KIFC1: variants seen among roughly 807,000 people sequenced by gnomAD.
The protein encoded by KIFC1 is kinesin family member C1.
KIFC1 carries 37 observed loss-of-function variants against 66.6 expected under a neutral mutation model. That is an observed-to-expected ratio of 0.56 (90% CI 0.43 to 0.73). KIFC1 has a LOEUF of 0.73. Among genes scored for constraint, KIFC1 ranks in the 30% least tolerant of loss-of-function variants. KIFC1 has a pLI of 0.00. For synonymous variants in KIFC1, 325 were observed against 343.5 expected, an observed-to-expected ratio of 0.95 and a Z score of 0.60; for missense variants, 721 against 859.8, an observed-to-expected ratio of 0.84 and a Z score of 2.02.
At chr6:33,396,664 G>T (rs1303122872) in intron 1 of KIFC1, among the ~76,000 whole-genome samples, 34 of 149,954 alleles carry the variant, frequency 2.3e-4, no homozygotes, top group African/African-American at 8.3e-4. Context: ...CTTTCAACTA[G>T]GTTCCATGAG....
rs1398802541 is a variant in KIFC1 at position 33,404,869 on chromosome 6, A to G, written c.774A>G (p.Ser258=). 6.2e-7 allele frequency: 1 copy of G among 1,610,786 alleles called. No individual in the cohort carries two copies. Among genetic ancestry groups the G allele is most frequent in the Non-Finnish European group, 8.5e-7 (1 of 1,178,024 alleles). The change falls in exon 7 of 11, where the codon TCA becomes TCG. Residue 258 remains serine (S), a synonymous_variant. Coordinates refer to ENST00000428849, the MANE Select transcript of KIFC1 (RefSeq NM_002263.4). This position sits in a 1 kb window ranked among gnomAD's most constrained non-coding sequence, Gnocchi z 4.0. Reference sequence around the variant, plus strand: ...CTGGGCAGAGGAGGCTGCAGACATCAGAAGCAGCCCTGTCAAGCAGCCAAG... The same window carrying G: ...CTGGGCAGAGGAGGCTGCAGACATCGGAAGCAGCCCTGTCAAGCAGCCAAG... ...LEEKERRLQT[S]EAALSSSQAE...
Position 33,403,750 on chromosome 6 carries a change from C to A in KIFC1, c.377C>A (p.Ala126Glu), listed in dbSNP as rs1246122780. Reference sequence around the variant, plus strand: ...TTAGCATCAGGTGTTCCTCCCATGGCAGGAGGGAAGAAACCCAGCAAACGT... The same window carrying A: ...TTAGCATCAGGTGTTCCTCCCATGGAAGGAGGGAAGAAACCCAGCAAACGT... ...KSGTSGVPPMAGGKKPSKRPA... is the reference protein window; with the variant it reads ...KSGTSGVPPMEGGKKPSKRPA... Residue 126 changes from alanine to glutamate, a missense_variant, in exon 6 of 11, where the codon GCA (alanine) becomes GAA (glutamate). Physicochemically the swap from Ala to Glu is moderately radical, Grantham distance 107. Transcript: ENST00000428849. The surrounding 1 kb of genome is among the most constrained non-coding windows in gnomAD (Gnocchi z 4.6). The A allele has an allele frequency of 1.2e-6, 2 of 1,613,074 alleles. No homozygotes were observed. Among genetic ancestry groups the A allele is most frequent in the Non-Finnish European group, 1.7e-6 (2 of 1,179,382 alleles).
Position 33,398,397 on chromosome 6 carries a change from C to T in KIFC1, c.250+10C>T. 3 of 1,589,920 alleles carry T rather than the reference C, an allele frequency of 1.9e-6. No homozygotes were observed. Among genetic ancestry groups the T allele is most frequent in the Non-Finnish European group, 2.6e-6 (3 of 1,158,082 alleles). On this transcript the variant is annotated intron_variant, in intron 3 of 10. Coordinates refer to ENST00000428849, the MANE Select transcript of KIFC1 (RefSeq NM_002263.4). Reference sequence around the variant, plus strand: ...CAAGGCCAGACCACAGGTGGGCTCTCAGGATGGATAGACTCCAAGGACATG... The same window carrying T: ...CAAGGCCAGACCACAGGTGGGCTCTTAGGATGGATAGACTCCAAGGACATG...
In KIFC1 at chr6:33,400,198, G is replaced by A; in HGVS notation, c.250+1811G>A. 5 of 1,547,892 alleles carry A rather than the reference G, an allele frequency of 3.2e-6. No homozygotes were observed. The South Asian group carries it at 5.6e-5, about 17-fold the overall frequency. ...GGTTCCAGAGAGTTCTCTGGCTAAGGATCGGTGCCGCATCTGTCGAGCAAT... is the reference window on the plus strand; with the variant it reads ...GGTTCCAGAGAGTTCTCTGGCTAAGAATCGGTGCCGCATCTGTCGAGCAAT... On this transcript the variant is annotated intron_variant, in intron 3 of 10. Coordinates refer to ENST00000428849, the MANE Select transcript of KIFC1 (RefSeq NM_002263.4). The surrounding 1 kb of genome is among the most constrained non-coding windows in gnomAD (Gnocchi z 4.3).
Position 33,405,639 on chromosome 6 carries a change from C to T in KIFC1, c.1536+8C>T. The T allele has an allele frequency of 2.0e-6, 3 of 1,495,254 alleles. No homozygotes were observed. Among genetic ancestry groups the T allele is most frequent in the Non-Finnish European group, 2.7e-6 (3 of 1,126,858 alleles). The allele number at this position is 1,495,254 out of a possible 1,614,324, so 92.6% of individuals were successfully genotyped here. On this transcript the variant is annotated splice_region_variant and intron_variant, in intron 7 of 10. Transcript: ENST00000428849. This position sits in a 1 kb window ranked among gnomAD's most constrained non-coding sequence, Gnocchi z 5.4. ...GTCTCCTGTGAGAAAGAAGTGAGGA[C>T]CCATGGGCACTGGAACTGGGAAATG...
chr6:33,405,030 G>A lies in KIFC1; in HGVS notation c.935G>A (p.Arg312His), dbSNP rs370866615. 1.3e-5 allele frequency: 21 copies of A among 1,614,014 alleles called. No homozygotes were observed. The highest frequency in any genetic ancestry group is 1.5e-5 in the Non-Finnish European group (18 of 1,180,026). The change falls in exon 7 of 11, where the codon CGT (arginine) becomes CAT (histidine). Residue 312 changes from arginine to histidine, a missense_variant. Coordinates refer to ENST00000428849, the MANE Select transcript of KIFC1 (RefSeq NM_002263.4). The surrounding 1 kb of genome is among the most constrained non-coding windows in gnomAD (Gnocchi z 5.4). ...NQLQELKGNI[R>H]VFCRVRPVLP... Reference sequence around the variant, plus strand: ...CTGCAGGAACTCAAGGGCAACATCCGTGTATTCTGCCGGGTCCGCCCTGTC... The same window carrying A: ...CTGCAGGAACTCAAGGGCAACATCCATGTATTCTGCCGGGTCCGCCCTGTC...
chr6:33,393,434 C>CTTTTTTT (rs71536188), intron 1 of KIFC1, among the ~76,000 whole-genome samples: 7 of 82,512 alleles, frequency 8.5e-5, no homozygotes, highest in African/African-American at 1.5e-4. Context: ...GCACCATTGC[C>CTTTTTTT]TTTTTTTTTT....
intron 10 of KIFC1, among the ~76,000 whole-genome samples, chr6:33,409,235 T>A (rs1488015925): frequency 1.3e-5 from 2 of 152,194 alleles, no homozygotes; most frequent in Non-Finnish European, 2.9e-5. Context: ...ACTCTAGTAG[T>A]CTTTTCAGAT....
chr6:33,402,296 C>T (rs966686243), intron 3 of KIFC1, among the ~76,000 whole-genome samples: 1 of 152,130 alleles, frequency 6.6e-6, no homozygotes, highest in African/African-American at 2.4e-5. Flanking sequence ...GAATTTTTAG[C>T]TCCATTATAA....
chr6:33,397,744 C>T (rs565326646), intron 1 of KIFC1, among the ~76,000 whole-genome samples: 22 of 152,332 alleles, frequency 1.4e-4, no homozygotes, highest in African/African-American at 4.8e-4. Context: ...ATGCTATGTA[C>T]ATATTTGAAT....
At position 33,406,652 on chromosome 6, in the gene KIFC1, G is replaced by A. The variant is rs548133422; in HGVS notation, c.1888G>A (p.Gly630Ser). ...CTACCTGCTGCAGAACTCTCTGGGT[G>A]GTAGTGCTAAGATGTGAGTGAAAGG... ...LTYLLQNSLG[G>S]SAKMLMFVNI... The change falls in exon 9 of 11, where the codon GGT becomes AGT. Residue 630 changes from glycine to serine, a missense_variant. Transcript: ENST00000428849. The surrounding 1 kb of genome is among the most constrained non-coding windows in gnomAD (Gnocchi z 4.5). The A allele has an allele frequency of 2.9e-5, 47 of 1,614,168 alleles. No homozygotes were observed. The South Asian group carries it at 5.2e-4, about 18-fold the overall frequency.
chr6:33,409,497 C>T, intron 10 of KIFC1, 149 bp from the exon 11 acceptor site: 1 of 797,300 alleles, frequency 1.3e-6, no homozygotes, highest in Non-Finnish European at 2.2e-6. Flanking sequence ...GAGAACAAAC[C>T]ATAACTGGCA....
In KIFC1 at chr6:33,409,781, G is replaced by A. The variant is rs1775857562; in HGVS notation, c.*91G>A. On this transcript the variant is annotated 3_prime_UTR_variant, in exon 11 of 11. Transcript: ENST00000428849. The stretch of plus-strand genomic sequence containing the variant: ...CCTATGTCTATGTATCGGGTGAGGG[G>A]TGGGAGGGTTGCTGGAGGGTGCTTT... 8.2e-6 allele frequency: 11 copies of A among 1,347,352 alleles called. 1 individual carries two copies. The highest frequency in any genetic ancestry group is 7.3e-6 in the Non-Finnish European group (7 of 958,352). 83.5% of individuals were successfully genotyped at this position (1,347,352 alleles called of 1,614,324 possible).
intron 1 of KIFC1, among the ~76,000 whole-genome samples, chr6:33,393,747 C>CTT (rs1562824365): frequency 1.8e-5 from 2 of 108,778 alleles, no homozygotes; most frequent in Admixed American, 9.7e-5. Context: ...TGCCCTGCAA[C>CTT]ATTTTTTTTT....
At position 33,400,391 on chromosome 6, in the gene KIFC1, G is replaced by A. The variant is rs757259132; in HGVS notation, c.250+2004G>A. ...ATGGTCAGTTTCACTGTAATCCTCA[G>A]GCCCTTCCAGTCACCCGTTGCCTTG... is the stretch of plus-strand genomic sequence containing the variant. On this transcript the variant is annotated intron_variant, in intron 3 of 10. Transcript: ENST00000428849. The surrounding 1 kb of genome is among the most constrained non-coding windows in gnomAD (Gnocchi z 4.3). The A allele has an allele frequency of 6.3e-6, 10 of 1,599,660 alleles. No individual in the cohort carries two copies. In the South Asian group the frequency reaches 8.8e-5, roughly 14 times the overall value.
intron 10 of KIFC1, among the ~76,000 whole-genome samples, chr6:33,407,708 TTCAGAC>T (rs1259157981): frequency 5.9e-5 from 9 of 152,236 alleles, no homozygotes; most frequent in Admixed American, 3.9e-4. Context: ...ATAGTGTGAA[TTCAGAC>T]TCCAAACCTC....
chr6:33,405,706 G>GA lies in KIFC1; in HGVS notation c.1536+78dup, dbSNP rs1246387697. The stretch of plus-strand genomic sequence containing the variant: ...GTGCCACGAGATGGAGGTAGAGGGA[G>GA]AAAGGAGCAAGAGAGAATTGAAGGA... On this transcript the variant is annotated intron_variant, in intron 7 of 10. Coordinates refer to ENST00000428849, the MANE Select transcript of KIFC1 (RefSeq NM_002263.4). This position sits in a 1 kb window ranked among gnomAD's most constrained non-coding sequence, Gnocchi z 5.4. 30 of 1,358,652 alleles carry GA rather than the reference G, an allele frequency of 2.2e-5. No individual in the cohort carries two copies. Among genetic ancestry groups the GA allele is most frequent in the Middle Eastern group, 1.9e-4 (1 of 5,332 alleles). The allele number at this position is 1,358,652 out of a possible 1,614,324, so 84.2% of individuals were successfully genotyped here.
In KIFC1 at chr6:33,401,963, C is replaced by A. The variant is rs1419998579; in HGVS notation, c.251-1351C>A. Among the ~76,000 whole-genome samples, 1 of 152,188 alleles carries A rather than the reference C, an allele frequency of 6.6e-6. No homozygotes were observed. The highest frequency in any genetic ancestry group is 1.5e-5 in the Non-Finnish European group (1 of 68,032). The stretch of plus-strand genomic sequence containing the variant: ...CCCTTGATCTGCCCACCTCGGCCTC[C>A]CAAAGTGCTGGGATTACAGGCGTGA... On this transcript the variant is annotated intron_variant, in intron 3 of 10. Coordinates refer to ENST00000428849, the MANE Select transcript of KIFC1 (RefSeq NM_002263.4). This position sits in a 1 kb window ranked among gnomAD's most constrained non-coding sequence, Gnocchi z 4.5.
intron 1 of KIFC1, among the ~76,000 whole-genome samples, chr6:33,393,982 A>G (rs189064936): frequency 1.3e-5 from 2 of 151,242 alleles, no homozygotes; most frequent in Admixed American, 6.6e-5. Context: ...TCCTGACCTC[A>G]TGATCCTCCC....
Sources: allele counts gnomAD v4.1 joint callset (sites outside exome capture counted in the v4.1 genomes callset), GRCh38; gene constraint gnomAD v4.1.1; non-coding constraint Gnocchi (gnomAD v3.1); transcripts MANE v1.5; gene names NCBI Gene and HGNC (gene_info 2026-07-23, HGNC 2026-07-21).